The following MTMR10 variants were observed in gnomAD, a reference collection of about 807,000 sequenced individuals.
MTMR10 encodes myotubularin-related protein 10.
A neutral mutation model predicts 88.1 loss-of-function variants in MTMR10; 56 were observed. That is an observed-to-expected ratio of 0.64 (90% CI 0.51 to 0.79). The LOEUF (loss-of-function observed/expected upper bound fraction) is 0.79, where lower values mean the gene tolerates loss of function less well. MTMR10 is among the 30% of genes least tolerant of loss of function. MTMR10 has a pLI of 0.00. For missense variants in MTMR10, 883 were observed against 924.7 expected (o/e 0.95, Z 0.58); for synonymous variants, 380 against 340.9 (o/e 1.11, Z -1.26).
chr15:30,948,546 A>T, intron 12 of MTMR10, 75 bp from the exon 13 acceptor site: 1 of 1,448,506 alleles, frequency 6.9e-7, no homozygotes, highest in Admixed American at 2.2e-5. Flanking sequence ...AAGGTAAACT[A>T]GATAATTTAG....
chr15:30,990,113 A>AT (rs2031213694), intron 2 of MTMR10, among the ~76,000 whole-genome samples: 1 of 151,988 alleles, frequency 6.6e-6, no homozygotes, highest in Non-Finnish European at 1.5e-5. Context: ...CAACTGTGAG[A>AT]TTTTTGTCCC....
In MTMR10 at chr15:30,981,313, G is replaced by A. The variant is rs576177888; in HGVS notation, c.122-4358C>T. The stretch of plus-strand genomic sequence containing the variant: ...TGTTTCTAACAAACAGTACAGAAAA[G>A]GAAAAACAGTCACTTTCTAGAGGAG... On this transcript the variant is annotated intron_variant, in intron 2 of 15. Coordinates refer to ENST00000435680, the MANE Select transcript of MTMR10 (RefSeq NM_017762.3). Among the ~76,000 whole-genome samples, 11 of 152,300 alleles carry A rather than the reference G, an allele frequency of 7.2e-5. 1 individual carries two copies. The East Asian group carries it at 1.9e-3, about 27-fold the overall frequency.
chr15:30,989,220 A>G (rs77391915), intron 2 of MTMR10, among the ~76,000 whole-genome samples: 2,273 of 152,164 alleles, frequency 0.015, 58 homozygotes, highest in African/African-American at 0.052. Context: ...AAATGCTCAG[A>G]GTGACTAAGA....
rs1272427191 is a variant in MTMR10 at position 30,953,590 on chromosome 15, C to G, written c.1108G>C (p.Glu370Gln). 6.5e-7 allele frequency: 1 copy of G among 1,546,622 alleles called. No individual in the cohort carries two copies. The highest frequency in any genetic ancestry group is 8.8e-7 in the Non-Finnish European group (1 of 1,142,066). ...ETEEKWLSSL[E>Q]NTRWLEYVRA... ...ACATATTCTAACCATCGAGTATTTT[C>G]CAGTGAAGATAACCATTTCTCTTCA... The change falls in exon 11 of 16, where the codon GAA becomes CAA. Residue 370 changes from glutamate to glutamine, a missense_variant. Physicochemically the swap from Glu to Gln is conservative, Grantham distance 29 (BLOSUM62 2). Transcript: ENST00000435680.
chr15:30,972,415 A>G (rs573170102), intron 5 of MTMR10, among the ~76,000 whole-genome samples: 3 of 152,060 alleles, frequency 2.0e-5, no homozygotes, highest in Non-Finnish European at 4.4e-5. Context: ...GGCTATACAA[A>G]AGACAGAGAC....
intron 6 of MTMR10, among the ~76,000 whole-genome samples, chr15:30,967,072 C>G (rs1367152344): frequency 6.6e-6 from 1 of 151,944 alleles, no homozygotes; most frequent in Non-Finnish European, 1.5e-5. Flanking sequence ...AATTTCAGTA[C>G]AATTAATAAT....
chr15:30,922,219 GTTA>G, the MTMR10 span: 2,839 of 1,601,790 alleles, frequency 1.8e-3, 48 homozygotes, highest in African/African-American at 0.032. Flanking sequence ...AGGTTTCTTT[GTTA>G]TTGTTGCAAT....
At chr15:30,979,287 C>T (rs369188329) in intron 2 of MTMR10, among the ~76,000 whole-genome samples, 1 of 152,276 alleles carries the variant, frequency 6.6e-6, no homozygotes. Flanking sequence ...CACTTAAAGG[C>T]TGGGCGTGGT....
At chr15:30,982,158 A>G (rs2030624857) in intron 2 of MTMR10, among the ~76,000 whole-genome samples, 1 of 152,158 alleles carries the variant, frequency 6.6e-6, no homozygotes, top group African/African-American at 2.4e-5. Flanking sequence ...GAGATGAAAA[A>G]GCTGTCACAG....
chr15:30,941,572 T>C lies in MTMR10; in HGVS notation c.2232A>G (p.Val744=). ...AAATGCTTCGTCTGCACAGATTCCCTACAGGAGAAAATGGAAATGAGGAGG... is the reference window on the plus strand; with the variant it reads ...AAATGCTTCGTCTGCACAGATTCCCCACAGGAGAAAATGGAAATGAGGAGG... ...FLSSSFPFSP[V]GNLCRRSILG... is the part of the protein sequence containing the mutation. Residue 744 remains valine (V), a synonymous_variant, in exon 16 of 16, where the codon GTA becomes GTG. Coordinates refer to ENST00000435680, the MANE Select transcript of MTMR10 (RefSeq NM_017762.3). 6.2e-7 allele frequency: 1 copy of C among 1,600,970 alleles called. No homozygotes were observed. The highest frequency in any genetic ancestry group is 8.5e-7 in the Non-Finnish European group (1 of 1,173,136).
chr15:30,933,736 A>ATATAT, the MTMR10 span, among the ~76,000 whole-genome samples: 1 of 121,584 alleles, frequency 8.2e-6, no homozygotes, highest in Admixed American at 7.6e-5. Flanking sequence ...TCTGATTATA[A>ATATAT]TTGTGGTATT....
Position 30,946,865 on chromosome 15 carries a change from T to A in MTMR10, c.1548+265A>T, listed in dbSNP as rs2063178796. ...GAAATATAAATACAAAAGCATGACA[T>A]TTAAGGTGGTTAAAGTAATTTACAT... On this transcript the variant is annotated intron_variant, in intron 14 of 15. Coordinates refer to ENST00000435680, the MANE Select transcript of MTMR10 (RefSeq NM_017762.3). 7 of 630,308 alleles carry A rather than the reference T, an allele frequency of 1.1e-5. No individual in the cohort carries two copies. The East Asian group carries it at 1.9e-4, about 17-fold the overall frequency. The allele number at this position is 630,308 out of a possible 1,614,324, so 39.0% of individuals were successfully genotyped here. A position where few individuals can be genotyped will look rare whatever the true frequency, so the allele number is the denominator to read the frequency against.
rs1012755733 is a variant in MTMR10 at position 30,967,943 on chromosome 15, A to G, written c.542T>C (p.Val181Ala). Residue 181 changes from valine to alanine, a missense_variant, in exon 6 of 16, where the codon GTT becomes GCT. Physicochemically the swap from Val to Ala is moderately conservative, Grantham distance 64. Around this residue, in one of 3 missense-constraint regions of MTMR10, gnomAD observed 414 missense variants for 423.2 expected, o/e 0.98. Transcript: ENST00000435680. ...DLQLLFAFEYVGKKYHNSANK... is the reference protein window; with the variant it reads ...DLQLLFAFEYAGKKYHNSANK... ...ACCTGAATTGTGGTATTTTTTCCCA[A>G]CATATTCAAATGCAAAGAGTAGCTG... is the stretch of plus-strand genomic sequence containing the variant. The G allele has an allele frequency of 2.6e-6, 4 of 1,564,956 alleles. No individual in the cohort carries two copies. The highest frequency in any genetic ancestry group is 3.5e-6 in the Non-Finnish European group (4 of 1,153,446).
Position 30,941,449 on chromosome 15 carries a change from A to G in MTMR10, c.*21T>C. The G allele has an allele frequency of 6.3e-7, 1 of 1,580,146 alleles. No individual in the cohort carries two copies. ...AAAAAAGTTGACAGCTTCCCTCAAA[A>G]TGTTCAGAAAACACCCTATTTTAGT... On this transcript the variant is annotated 3_prime_UTR_variant, in exon 16 of 16. Transcript: ENST00000435680.
At chr15:30,930,796 G>C in the MTMR10 span, 2 of 1,228,592 alleles carry the variant, frequency 1.6e-6, no homozygotes, top group Non-Finnish European at 2.3e-6. Flanking sequence ...TTTGGGCCGA[G>C]GGCCTGGGTT....
intron 10 of MTMR10, among the ~76,000 whole-genome samples, chr15:30,954,459 G>C (rs1446525293): frequency 6.6e-6 from 1 of 152,160 alleles, no homozygotes; most frequent in African/African-American, 2.4e-5. Context: ...TAATAAGTTT[G>C]TCTGTAAGGT....
chr15:30,978,898 A>AAT (rs35430262), intron 2 of MTMR10, among the ~76,000 whole-genome samples: 64,910 of 150,348 alleles, frequency 0.43, 14,703 homozygotes, highest in East Asian at 0.85. Context: ...AAGATGACCA[A>AAT]ATATATATAT....
rs772953384 is a variant in MTMR10, at chr15:30,974,330, G to A, written c.458C>T (p.Pro153Leu). 5 of 1,601,742 alleles carry A rather than the reference G, an allele frequency of 3.1e-6. No individual in the cohort carries two copies. In the African/African-American group the frequency reaches 6.7e-5, roughly 21 times the overall value. Reference sequence around the variant, plus strand: ...CAGTATTACCTTTTTAGCACTTTCGGGACCTGATTCATCAAAGCGAAATCT... The same window carrying A: ...CAGTATTACCTTTTTAGCACTTTCGAGACCTGATTCATCAAAGCGAAATCT... ...IVRFRFDESG[P>L]ESAKKVCLAI... Residue 153 changes from proline to leucine, a missense_variant, in exon 5 of 16, where the codon CCC becomes CTC. Pro to Leu is a moderately conservative substitution (Grantham distance 98, BLOSUM62 -3). This residue lies in a region of MTMR10 where 414 missense variants were observed against 423.2 expected (regional missense o/e 0.98). Coordinates refer to ENST00000435680, the MANE Select transcript of MTMR10 (RefSeq NM_017762.3).
intron 2 of MTMR10, among the ~76,000 whole-genome samples, chr15:30,984,057 G>A (rs567880394): frequency 2.4e-4 from 36 of 152,296 alleles, no homozygotes; most frequent in South Asian, 8.3e-4. Context: ...TAAGGAATAA[G>A]GCATCTGGAA....
Sources: allele counts gnomAD v4.1 joint callset (sites outside exome capture counted in the v4.1 genomes callset), GRCh38; gene constraint gnomAD v4.1.1; regional missense constraint gnomAD v4.1.1; transcripts MANE v1.5; gene names NCBI Gene and HGNC (gene_info 2026-07-23, HGNC 2026-07-21).